SDCCAG8: variants seen among roughly 807,000 people sequenced by gnomAD.
SDCCAG8 encodes the protein SHH signaling and ciliogenesis regulator SDCCAG8, also known as serologically defined colon cancer antigen 8.
SDCCAG8 carries 74 observed loss-of-function variants against 101.8 expected under a neutral mutation model. The ratio of observed to expected loss-of-function variants is 0.73; its 90% CI spans 0.60 to 0.88. SDCCAG8 has a LOEUF of 0.88. Ranked by LOEUF, SDCCAG8 falls within the 40% of genes least tolerant of loss-of-function variation. The pLI is 0.00. For synonymous variants in SDCCAG8, 281 were observed against 292.9 expected (o/e 0.96, Z 0.41); for missense variants, 787 against 822.6 (o/e 0.96, Z 0.53).
At chr1:243,457,827 G>T (rs971746763) in intron 16 of SDCCAG8, among the ~76,000 whole-genome samples, 1 of 152,168 alleles carries the variant, frequency 6.6e-6, no homozygotes, top group Non-Finnish European at 1.5e-5. Flanking sequence ...GGTTATCAAG[G>T]GTGGTTATTA....
chr1:243,259,144 T>A (rs534341698), intron 1 of SDCCAG8, among the ~76,000 whole-genome samples: 27 of 152,240 alleles, frequency 1.8e-4, no homozygotes, highest in South Asian at 8.3e-4. Flanking sequence ...CTCACGCCTG[T>A]AATCCCAGCA....
intron 1 of SDCCAG8, among the ~76,000 whole-genome samples, chr1:243,256,736 G>A (rs555906328): frequency 1.3e-5 from 2 of 152,274 alleles, no homozygotes; most frequent in African/African-American, 4.8e-5. Context: ...TACACCAATC[G>A]TGTGAATATT....
intron 9 of SDCCAG8, among the ~76,000 whole-genome samples, chr1:243,327,220 C>A (rs2074212069): frequency 6.6e-6 from 1 of 151,224 alleles, no homozygotes; most frequent in African/African-American, 2.4e-5. Context: ...AAAGATCTAT[C>A]ATTTAATGGT....
At chr1:243,413,997 A>G (rs1028552952) in intron 13 of SDCCAG8, among the ~76,000 whole-genome samples, 2 of 152,190 alleles carry the variant, frequency 1.3e-5, no homozygotes, top group Non-Finnish European at 2.9e-5. Context: ...ACATCCAATC[A>G]TGAAATATTC....
Position 243,435,885 on chromosome 1 carries a change from T to A in SDCCAG8, c.1985+9327T>A, listed in dbSNP as rs147377719. 3.4e-4 allele frequency among the ~76,000 whole-genome samples: 51 copies of A among 152,098 alleles called. No homozygotes were observed. In the East Asian group the frequency reaches 6.2e-3, roughly 18 times the overall value. On this transcript the variant is annotated intron_variant, in intron 16 of 17. Coordinates refer to ENST00000366541, the MANE Select transcript of SDCCAG8 (RefSeq NM_006642.5). ...TAGGAATAAGGAACACTCTAAAAAA[T>A]TTTTTTATGCAAGTTTTAGGTTCAC... is the stretch of plus-strand genomic sequence containing the variant.
chr1:243,256,067 G>C lies in SDCCAG8; in HGVS notation c.-107G>C. The C allele has an allele frequency of 9.8e-7, 1 of 1,025,122 alleles. No homozygotes were observed. Among genetic ancestry groups the C allele is most frequent in the Non-Finnish European group, 1.6e-6 (1 of 643,416 alleles). 63.5% of individuals were successfully genotyped at this position (1,025,122 alleles called of 1,614,324 possible). A position where few individuals can be genotyped will look rare whatever the true frequency, so the allele number is the denominator to read the frequency against. ...TTCTAGGCTCCCCTGTGACAGCCGC[G>C]GCAGGAAGCAGGCGGGCGCTCCCCG... On this transcript the variant is annotated 5_prime_UTR_variant, in exon 1 of 18. Coordinates refer to ENST00000366541, the MANE Select transcript of SDCCAG8 (RefSeq NM_006642.5).
chr1:243,270,765 T>C (rs1202582097), intron 2 of SDCCAG8, among the ~76,000 whole-genome samples: 1 of 152,132 alleles, frequency 6.6e-6, no homozygotes, highest in Non-Finnish European at 1.5e-5. Flanking sequence ...TTATTTTATA[T>C]CTATTAGTGT....
chr1:243,368,489 A>G (rs778501304), intron 12 of SDCCAG8, among the ~76,000 whole-genome samples: 31 of 152,158 alleles, frequency 2.0e-4, no homozygotes, highest in Non-Finnish European at 3.5e-4. Context: ...AGCTTTGCAA[A>G]ACAAGGAACT....
intron 4 of SDCCAG8, among the ~76,000 whole-genome samples, chr1:243,280,559 A>AT (rs1388644961): frequency 6.6e-6 from 1 of 151,914 alleles, no homozygotes; most frequent in Non-Finnish European, 1.5e-5. Context: ...TTCTTTTCTA[A>AT]TTTTTTTACA....
intron 13 of SDCCAG8, among the ~76,000 whole-genome samples, chr1:243,397,591 A>G (rs1252705294): frequency 4.1e-5 from 5 of 121,642 alleles, no homozygotes; most frequent in South Asian, 5.0e-4. Context: ...GAAATTTGCA[A>G]TGTTAGAATA....
At chr1:243,294,501 A>AAGAGTGAGAGAGAGAGAGAGAGAGAG (rs2070627731) in intron 6 of SDCCAG8, among the ~76,000 whole-genome samples, 4 of 26,684 alleles carry the variant, frequency 1.5e-4, no homozygotes, top group African/African-American at 5.0e-4. Flanking sequence ...GAGAGAGAGA[A>AAGAGTGAGAGAGAGAGAGAGAGAGAG]AGAGCGAGAG....
chr1:243,456,744 C>A (rs893077197), intron 16 of SDCCAG8, among the ~76,000 whole-genome samples: 3 of 152,060 alleles, frequency 2.0e-5, no homozygotes, highest in Non-Finnish European at 4.4e-5. Context: ...GGGCAATCTT[C>A]CATCTTTATC....
intron 3 of SDCCAG8, 140 bp from the exon 4 acceptor site, chr1:243,274,403 G>A (rs534706691): frequency 3.6e-5 from 21 of 580,382 alleles, no homozygotes; most frequent in Middle Eastern, 9.6e-4. Flanking sequence ...CATTGTGATC[G>A]ATTCTATGTT....
intron 15 of SDCCAG8, among the ~76,000 whole-genome samples, chr1:243,421,503 A>G (rs2081002977): frequency 6.6e-6 from 1 of 152,224 alleles, no homozygotes. Flanking sequence ...GCATTATGGC[A>G]GTGACGACTG....
chr1:243,327,791 A>G (rs1384605730), intron 9 of SDCCAG8, among the ~76,000 whole-genome samples: 1 of 152,112 alleles, frequency 6.6e-6, no homozygotes, highest in Non-Finnish European at 1.5e-5. Flanking sequence ...AGAATAAATC[A>G]TTTTTCTGAT....
chr1:243,265,755 G>A (rs1186809170), intron 1 of SDCCAG8, among the ~76,000 whole-genome samples: 1 of 151,972 alleles, frequency 6.6e-6, no homozygotes, highest in Non-Finnish European at 1.5e-5. Flanking sequence ...GGAGGTTGCA[G>A]TGAGCCAAGA....
intron 16 of SDCCAG8, among the ~76,000 whole-genome samples, chr1:243,484,039 C>A (rs1664297811): frequency 6.6e-6 from 1 of 152,222 alleles, no homozygotes; most frequent in Non-Finnish European, 1.5e-5. Flanking sequence ...CTCGGCCCTT[C>A]CTAAGCCCCA....
At chr1:243,285,113 C>T (rs1448369272) in intron 4 of SDCCAG8, among the ~76,000 whole-genome samples, 1 of 152,134 alleles carries the variant, frequency 6.6e-6, no homozygotes, top group Non-Finnish European at 1.5e-5. Context: ...GAACCCCTGA[C>T]CTCATGATCT....
At chr1:243,286,512 T>C in intron 5 of SDCCAG8, 115 bp downstream of exon 5, 1 of 1,065,878 alleles carries the variant, frequency 9.4e-7, no homozygotes, top group Non-Finnish European at 1.4e-6. Context: ...CAAAGTACTA[T>C]GTTGGTATTT....
Sources: gnomAD v4.1 joint callset for allele counts (sites outside exome capture counted in the v4.1 genomes callset) on GRCh38, gnomAD v4.1.1 for gene constraint, MANE v1.5 for transcripts, NCBI Gene and HGNC (gene_info 2026-07-23, HGNC 2026-07-21) for gene names.